PTPRM: variants seen among roughly 807,000 people sequenced by gnomAD.
PTPRM encodes receptor-type tyrosine-protein phosphatase mu.
In PTPRM, 47 loss-of-function variants were observed where a neutral mutation model predicts 186.7. The observed-to-expected ratio is 0.25, with a 90% CI of 0.20 to 0.32. The LOEUF (loss-of-function observed/expected upper bound fraction) is 0.32, where lower values mean the gene tolerates loss of function less well. Ranked by LOEUF, PTPRM falls within the 10% of genes least tolerant of loss-of-function variation. The probability of loss-of-function intolerance (pLI) is 1.00; values close to 1 mark genes in which losing one functional copy is unlikely to be tolerated. For synonymous variants in PTPRM, 668 were observed against 674.9 expected (o/e 0.99, Z 0.16); for missense variants, 1,494 against 1,865.0 (o/e 0.80, Z 3.66).
chr18:7,726,469 T>G (rs975033317), intron 1 of PTPRM, among the ~76,000 whole-genome samples: 1 of 152,208 alleles, frequency 6.6e-6, no homozygotes, highest in African/African-American at 2.4e-5. Flanking sequence ...ATTTAATTTT[T>G]TAAGCTCTCA....
chr18:8,311,096 G>A (rs1322098881), intron 20 of PTPRM, among the ~76,000 whole-genome samples: 1 of 152,134 alleles, frequency 6.6e-6, no homozygotes, highest in Non-Finnish European at 1.5e-5. Flanking sequence ...ATCACCTGAG[G>A]TCAGTGGTTC....
chr18:7,705,889 T>C (rs1253142949), intron 1 of PTPRM, among the ~76,000 whole-genome samples: 1 of 150,746 alleles, frequency 6.6e-6, no homozygotes, highest in Non-Finnish European at 1.5e-5. Flanking sequence ...ACTAGATAGT[T>C]TTCATGTTTT....
intron 1 of PTPRM, among the ~76,000 whole-genome samples, chr18:7,700,249 T>C (rs2039932168): frequency 6.6e-6 from 1 of 152,196 alleles, no homozygotes; most frequent in Non-Finnish European, 1.5e-5. Flanking sequence ...AAGTTAAGAC[T>C]CTCAGTGCTG....
intron 1 of PTPRM, among the ~76,000 whole-genome samples, chr18:7,729,415 A>C (rs1301602425): frequency 3.3e-5 from 5 of 152,212 alleles, no homozygotes; most frequent in Admixed American, 6.5e-5. Flanking sequence ...TTATACAATC[A>C]TGCCTTAGGC....
At chr18:7,938,141 T>C (rs2146931170) in intron 5 of PTPRM, among the ~76,000 whole-genome samples, 1 of 152,338 alleles carries the variant, frequency 6.6e-6, no homozygotes, top group Non-Finnish European at 1.5e-5. Flanking sequence ...ATCTTCTCAT[T>C]GGAGAGAGCT....
At chr18:7,746,729 G>A (rs2040997459) in intron 1 of PTPRM, among the ~76,000 whole-genome samples, 2 of 152,170 alleles carry the variant, frequency 1.3e-5, no homozygotes, top group African/African-American at 4.8e-5. Context: ...ACCTCCTAAA[G>A]TGCTGGGATT....
At chr18:8,095,831 T>G (rs192251555) in intron 11 of PTPRM, among the ~76,000 whole-genome samples, 349 of 152,274 alleles carry the variant, frequency 2.3e-3, no homozygotes, top group Non-Finnish European at 4.0e-3. Context: ...GTCTGGGGTA[T>G]TGTTAAAGTG....
chr18:7,717,907 C>T lies in PTPRM; in HGVS notation c.74-56242C>T, dbSNP rs1319841795. On this transcript the variant is annotated intron_variant, in intron 1 of 32. Coordinates refer to ENST00000580170, the MANE Select transcript of PTPRM (RefSeq NM_001105244.2). ...TAGCCCTTTCCAGTGCTTGTTGACTCCAGTTCCCGCACCTGTTTGCTTGTG... is the reference window on the plus strand; with the variant it reads ...TAGCCCTTTCCAGTGCTTGTTGACTTCAGTTCCCGCACCTGTTTGCTTGTG... Among the ~76,000 whole-genome samples, 2 of 152,150 alleles carry T rather than the reference C, an allele frequency of 1.3e-5. 1 individual carries two copies. Among genetic ancestry groups the T allele is most frequent in the Non-Finnish European group, 2.9e-5 (2 of 68,034 alleles).
At chr18:7,844,727 C>A (rs1297251439) in intron 2 of PTPRM, among the ~76,000 whole-genome samples, 1 of 152,190 alleles carries the variant, frequency 6.6e-6, no homozygotes, top group African/African-American at 2.4e-5. Flanking sequence ...CATTGGGTAG[C>A]TTTCCAAGTC....
chr18:7,868,704 C>G (rs139593089), intron 2 of PTPRM, among the ~76,000 whole-genome samples: 68 of 152,366 alleles, frequency 4.5e-4, no homozygotes, highest in African/African-American at 1.6e-3. Context: ...GGTAGTCTGT[C>G]CCTTAGCAGA....
chr18:8,172,809 T>A (rs754203170), intron 14 of PTPRM, among the ~76,000 whole-genome samples: 1 of 152,118 alleles, frequency 6.6e-6, no homozygotes, highest in Non-Finnish European at 1.5e-5. Context: ...TGCTTTAAGA[T>A]CATCTCACCA....
At chr18:7,891,675 G>A (rs752480947) in intron 3 of PTPRM, among the ~76,000 whole-genome samples, 1 of 151,972 alleles carries the variant, frequency 6.6e-6, no homozygotes, top group East Asian at 1.9e-4. Context: ...ACGAGTTCAG[G>A]ACCAGCCTGG....
intron 1 of PTPRM, among the ~76,000 whole-genome samples, chr18:7,570,463 T>C (rs1598431237): frequency 6.6e-6 from 1 of 152,346 alleles, no homozygotes; most frequent in East Asian, 1.9e-4. Flanking sequence ...ACATTTCTCA[T>C]AGATCCTTAG....
At chr18:8,211,921 A>G (rs780459706) in intron 14 of PTPRM, among the ~76,000 whole-genome samples, 2 of 152,136 alleles carry the variant, frequency 1.3e-5, no homozygotes, top group African/African-American at 2.4e-5. Context: ...CAGCATGGCT[A>G]TGCCAGCCAG....
At chr18:8,229,285 A>G (rs1390461853) in intron 14 of PTPRM, among the ~76,000 whole-genome samples, 1 of 152,188 alleles carries the variant, frequency 6.6e-6, no homozygotes, top group East Asian at 1.9e-4. Context: ...GCCCAGGAGC[A>G]TAGTAAAATA....
chr18:7,637,792 A>G (rs1364454262), intron 1 of PTPRM, among the ~76,000 whole-genome samples: 2 of 152,238 alleles, frequency 1.3e-5, no homozygotes, highest in Non-Finnish European at 2.9e-5. Flanking sequence ...TATGTTTCAT[A>G]GGGTTTCATT....
intron 14 of PTPRM, among the ~76,000 whole-genome samples, chr18:8,190,519 C>G (rs1018995186): frequency 1.3e-5 from 2 of 152,142 alleles, no homozygotes; most frequent in African/African-American, 4.8e-5. Context: ...AGTAGTTGTT[C>G]TAGTCTTCCT....
intron 3 of PTPRM, among the ~76,000 whole-genome samples, chr18:7,897,074 C>T (rs947551326): frequency 5.9e-5 from 9 of 152,282 alleles, no homozygotes; most frequent in African/African-American, 2.2e-4. Context: ...TTGTGTTCCA[C>T]AAATCCAGGG....
At chr18:8,024,360 G>A (rs2085427926) in intron 7 of PTPRM, among the ~76,000 whole-genome samples, 1 of 152,106 alleles carries the variant, frequency 6.6e-6, no homozygotes, top group South Asian at 2.1e-4. Context: ...ATTGTTCACA[G>A]TTTTGGCTGT....
Sources: allele counts gnomAD v4.1 joint callset (sites outside exome capture counted in the v4.1 genomes callset), GRCh38; gene constraint gnomAD v4.1.1; transcripts MANE v1.5; gene names NCBI Gene and HGNC (gene_info 2026-07-23, HGNC 2026-07-21).